Variants in FRS2 observed in about 807,000 individuals in gnomAD.
FRS2 encodes the protein fibroblast growth factor receptor substrate 2, also known as FGFR signalling adaptor.
Under a neutral mutation model 43.9 loss-of-function variants are expected in FRS2, and 8 were observed. The observed-to-expected ratio is 0.18, with a 90% CI of 0.11 to 0.33. The LOEUF (loss-of-function observed/expected upper bound fraction) is 0.33, where lower values mean the gene tolerates loss of function less well. Among genes scored for constraint, FRS2 ranks in the 10% least tolerant of loss-of-function variants. FRS2 has a pLI of 1.00. For missense variants in FRS2, 534 were observed against 627.6 expected (o/e 0.85, Z 1.59); for synonymous variants, 219 against 220.3 (o/e 0.99, Z 0.05).
intron 1 of FRS2, among the ~76,000 whole-genome samples, chr12:69,488,019 T>G (rs1001169156): frequency 6.6e-6 from 1 of 152,226 alleles, no homozygotes; most frequent in African/African-American, 2.4e-5. Context: ...AATTGCTTCT[T>G]AGGAATGAGC....
At position 69,483,826 on chromosome 12, in the gene FRS2, T is replaced by G. The variant is rs181781032; in HGVS notation, c.-261+13296T>G. On this transcript the variant is annotated intron_variant, in intron 1 of 8. Coordinates refer to ENST00000549921, the MANE Select transcript of FRS2 (RefSeq NM_001278356.2). ...ATTTTTGAGTCAAAGGATATGAGAG[T>G]TTTTTAATCTTGAAATGTGGTTAAA... is the stretch of plus-strand genomic sequence containing the variant. Among the ~76,000 whole-genome samples the G allele has an allele frequency of 3.7e-3, 563 of 151,924 alleles. 3 individuals are homozygous for G. The highest frequency in any genetic ancestry group is 0.02 in the South Asian group (96 of 4,806).
chr12:69,483,860 C>G (rs960471450), intron 1 of FRS2, among the ~76,000 whole-genome samples: 8 of 152,014 alleles, frequency 5.3e-5, no homozygotes, highest in Non-Finnish European at 1.0e-4. Context: ...AATTGCTTCT[C>G]AAAAGGATAG....
At chr12:69,573,782 G>A (rs1880957389) in intron 8 of FRS2, among the ~76,000 whole-genome samples, 1 of 152,140 alleles carries the variant, frequency 6.6e-6, no homozygotes, top group Admixed American at 6.5e-5. Context: ...TTTTGAAGTC[G>A]TTATTCTTTT....
In FRS2 at chr12:69,501,960, G is replaced by GT. The variant is rs1235764553; in HGVS notation, c.-260-28901dup. Among the ~76,000 whole-genome samples the GT allele has an allele frequency of 4.0e-3, 507 of 127,488 alleles. 5 individuals are homozygous for GT. The highest frequency in any genetic ancestry group is 0.014 in the African/African-American group (384 of 28,238). 83.6% of individuals were successfully genotyped at this position (127,488 alleles called of 152,430 possible). A position where few individuals can be genotyped will look rare whatever the true frequency, so the allele number is the denominator to read the frequency against. ...GGAGAAACACCTATCTGTTTTTTTT[G>GT]TTTTGTTTTTTTTGTTTTTTTGTGA... On this transcript the variant is annotated intron_variant, in intron 1 of 8. Coordinates refer to ENST00000549921, the MANE Select transcript of FRS2 (RefSeq NM_001278356.2).
rs1377111000 is a variant in FRS2, at chr12:69,578,387, A to T, written c.*3432A>T. ...TGGTACGAAATTACAGAATGTAAAG[A>T]AAATGTTTTTGGCTTGAAAAATTAA... On this transcript the variant is annotated 3_prime_UTR_variant, in exon 9 of 9. Transcript: ENST00000549921. 3.3e-5 allele frequency: 5 copies of T among 152,666 alleles called. No homozygotes were observed. The highest frequency in any genetic ancestry group is 4.4e-5 in the Non-Finnish European group (3 of 68,032). 9.5% of individuals were successfully genotyped at this position (152,666 alleles called of 1,614,324 possible).
chr12:69,554,979 G>A (rs1879212222), intron 3 of FRS2, among the ~76,000 whole-genome samples: 2 of 151,808 alleles, frequency 1.3e-5, no homozygotes, highest in Admixed American at 1.3e-4. Context: ...AAAGTGCTGG[G>A]ATTGTAGGTG....
intron 1 of FRS2, among the ~76,000 whole-genome samples, chr12:69,472,253 A>ATT (rs3970803): frequency 5.0e-4 from 66 of 133,304 alleles, no homozygotes; most frequent in East Asian, 2.4e-3. Context: ...CACCTGGCTA[A>ATT]TTTTTTTTTT....
At chr12:69,571,804 C>T (rs1395236631) in intron 7 of FRS2, among the ~76,000 whole-genome samples, 1 of 152,090 alleles carries the variant, frequency 6.6e-6, no homozygotes, top group Non-Finnish European at 1.5e-5. Flanking sequence ...GTGGAGCTTG[C>T]AGTGAACTGA....
chr12:69,537,819 A>G (rs1316527223), intron 3 of FRS2: 1 of 152,492 alleles, frequency 6.6e-6, no homozygotes, highest in Non-Finnish European at 1.5e-5. Context: ...CTCTAATTAG[A>G]CATATAGTCT....
intron 3 of FRS2, among the ~76,000 whole-genome samples, chr12:69,553,164 C>T (rs868839074): frequency 9.2e-5 from 14 of 152,100 alleles, no homozygotes; most frequent in Non-Finnish European, 1.9e-4. Context: ...CTCCGCCTCC[C>T]AGGTACACAA....
rs367732441 is a variant in FRS2 at position 69,574,075 on chromosome 12, T to G, written c.647T>G (p.Leu216Trp). ...AACCGCACAAGTGTGCATGTTCCAT[T>G]GGAGGCGAGGGTTTCTAACGCTGAA... ...RKNRTSVHVPLEARVSNAESS... is the reference protein window; with the variant it reads ...RKNRTSVHVPWEARVSNAESS... The change falls in exon 9 of 9, where the codon TTG becomes TGG. Residue 216 changes from leucine (L) to tryptophan (W), a missense_variant. Physicochemically the swap from Leu to Trp is moderately conservative, Grantham distance 61. This residue lies in a region of FRS2 where 446 missense variants were observed against 494.2 expected (regional missense o/e 0.90). Coordinates refer to ENST00000549921, the MANE Select transcript of FRS2 (RefSeq NM_001278356.2). 1.9e-6 allele frequency: 3 copies of G among 1,614,102 alleles called. No homozygotes were observed. In the African/African-American group the frequency reaches 4.0e-5, roughly 22 times the overall value.
At chr12:69,479,944 C>T (rs528983373) in intron 1 of FRS2, among the ~76,000 whole-genome samples, 71 of 152,178 alleles carry the variant, frequency 4.7e-4, no homozygotes, top group African/African-American at 1.6e-3. Context: ...CTTACTCTAC[C>T]TCCGTGTCTC....
chr12:69,553,710 AG>A (rs1879103064), intron 3 of FRS2, among the ~76,000 whole-genome samples: 1 of 152,216 alleles, frequency 6.6e-6, no homozygotes, highest in African/African-American at 2.4e-5. Flanking sequence ...AGATGGCACC[AG>A]GGTGCCATTT....
In FRS2 at chr12:69,576,571, A is replaced by G. The variant is rs1014339251; in HGVS notation, c.*1616A>G. ...TGATCTGGATCTACCAGATATAACT[A>G]AGGTTAATTTAGCATGAAAAAGTTT... is the stretch of plus-strand genomic sequence containing the variant. On this transcript the variant is annotated 3_prime_UTR_variant, in exon 9 of 9. Transcript: ENST00000549921. The G allele has an allele frequency of 1.3e-5, 2 of 152,216 alleles. No individual in the cohort carries two copies. Among genetic ancestry groups the G allele is most frequent in the Non-Finnish European group, 2.9e-5 (2 of 68,032 alleles). The allele number at this position is 152,216 out of a possible 1,614,324, so 9.4% of individuals were successfully genotyped here.
intron 1 of FRS2, among the ~76,000 whole-genome samples, chr12:69,490,267 C>A (rs896264400): frequency 6.6e-5 from 10 of 152,048 alleles, no homozygotes; most frequent in Non-Finnish European, 1.2e-4. Context: ...AAACAAAAAT[C>A]ATATTAAATA....
intron 1 of FRS2, chr12:69,480,409 T>G (rs1044523416): frequency 1.1e-4 from 17 of 152,256 alleles, no homozygotes; most frequent in African/African-American, 4.1e-4. Flanking sequence ...TTTATTTTAC[T>G]TAGCATGTTT....
intron 1 of FRS2, among the ~76,000 whole-genome samples, chr12:69,481,064 G>C (rs746977688): frequency 6.6e-6 from 1 of 152,166 alleles, no homozygotes; most frequent in Non-Finnish European, 1.5e-5. Flanking sequence ...TTACAGGAAA[G>C]TTGCAAGAAT....
At chr12:69,485,234 G>C (rs1413969252) in intron 1 of FRS2, among the ~76,000 whole-genome samples, 1 of 151,996 alleles carries the variant, frequency 6.6e-6, no homozygotes, top group African/African-American at 2.4e-5. Context: ...CCAGGCTGGA[G>C]TGCAGTGGCG....
At chr12:69,571,481 T>C (rs1880752160) in intron 7 of FRS2, 47 bp downstream of exon 7, 1 of 1,413,460 alleles carries the variant, frequency 7.1e-7, no homozygotes, top group East Asian at 2.3e-5. Flanking sequence ...AGACGTTTAG[T>C]TGTAAGCTAT....
Sources: gnomAD v4.1 joint callset for allele counts (sites outside exome capture counted in the v4.1 genomes callset) on GRCh38, gnomAD v4.1.1 for gene constraint, gnomAD v4.1.1 regional missense constraint, MANE v1.5 for transcripts, NCBI Gene and HGNC (gene_info 2026-07-23, HGNC 2026-07-21) for gene names.